Variants in TENM3 observed in about 807,000 individuals in gnomAD.
The protein encoded by TENM3 is teneurin-3.
In TENM3, 63 loss-of-function variants were observed where a neutral mutation model predicts 255.1. That is an observed-to-expected ratio of 0.25 (90% CI 0.20 to 0.30). The LOEUF (loss-of-function observed/expected upper bound fraction) is 0.30. Among genes scored for constraint, TENM3 ranks in the 10% least tolerant of loss-of-function variants. TENM3 has a pLI of 1.00. For synonymous variants in TENM3, 1,306 were observed against 1,322.3 expected (o/e 0.99, Z 0.27); for missense variants, 2,929 against 3,461.1 (o/e 0.85, Z 3.86).
At chr4:181,612,609 G>A in the TENM3 span, among the ~76,000 whole-genome samples, 1 of 151,980 alleles carries the variant, frequency 6.6e-6, no homozygotes, top group Non-Finnish European at 1.5e-5. Flanking sequence ...ACCTCATTGT[G>A]TTTTATCAAA....
chr4:182,486,473 AAC>A (rs1392754513), intron 3 of TENM3, among the ~76,000 whole-genome samples: 1 of 152,182 alleles, frequency 6.6e-6, no homozygotes, highest in Non-Finnish European at 1.5e-5. Context: ...TGATTTTATT[AAC>A]AGTTTATAGC....
chr4:181,596,566 T>C, the TENM3 span, among the ~76,000 whole-genome samples: 3 of 152,254 alleles, frequency 2.0e-5, no homozygotes, highest in Admixed American at 6.5e-5. Flanking sequence ...TTTTTGACCC[T>C]GATCCCAATT....
At chr4:181,972,071 T>C in the TENM3 span, among the ~76,000 whole-genome samples, 2 of 151,878 alleles carry the variant, frequency 1.3e-5, no homozygotes, top group African/African-American at 4.8e-5. Context: ...ATAAAAGGTA[T>C]GGGAAACTAC....
At chr4:182,662,006 C>G (rs1382275647) in intron 6 of TENM3, among the ~76,000 whole-genome samples, 1 of 152,104 alleles carries the variant, frequency 6.6e-6, no homozygotes, top group Non-Finnish European at 1.5e-5. Context: ...CAAACAGATA[C>G]CAAACCTCCT....
intron 3 of TENM3, among the ~76,000 whole-genome samples, chr4:182,438,359 G>A (rs367913730): frequency 7.9e-5 from 12 of 152,172 alleles, no homozygotes; most frequent in African/African-American, 2.7e-4. Flanking sequence ...GCTTGTCTGA[G>A]TTTCAGCCAT....
chr4:182,082,029 A>G, the TENM3 span, among the ~76,000 whole-genome samples: 1 of 152,208 alleles, frequency 6.6e-6, no homozygotes, highest in East Asian at 1.9e-4. Flanking sequence ...TTACTTGCTT[A>G]GGGTTATTTA....
the TENM3 span, among the ~76,000 whole-genome samples, chr4:181,488,790 G>C: frequency 6.6e-6 from 1 of 152,130 alleles, no homozygotes; most frequent in Non-Finnish European, 1.5e-5. Flanking sequence ...TATCTGGCAG[G>C]TTGAATGCAC....
chr4:182,106,807 C>A, the TENM3 span, among the ~76,000 whole-genome samples: 2 of 152,110 alleles, frequency 1.3e-5, no homozygotes, highest in African/African-American at 4.8e-5. Context: ...TCAGTATCAG[C>A]TGTGGGAAAC....
chr4:182,679,922 C>A (rs769550817), intron 8 of TENM3, 46 bp downstream of exon 8: 6 of 1,493,950 alleles, frequency 4.0e-6, no homozygotes, highest in Non-Finnish European at 4.6e-6. Context: ...ATAGCCTAAA[C>A]GCCGTGTTTA....
At chr4:181,824,314 T>C in the TENM3 span, among the ~76,000 whole-genome samples, 1 of 151,732 alleles carries the variant, frequency 6.6e-6, no homozygotes, top group African/African-American at 2.4e-5. Context: ...TCACCCAGGC[T>C]GGCCTCCAAC....
At chr4:181,735,444 G>T in the TENM3 span, among the ~76,000 whole-genome samples, 1 of 152,062 alleles carries the variant, frequency 6.6e-6, no homozygotes, top group South Asian at 2.1e-4. Flanking sequence ...AGTCAGAATT[G>T]GGAAAAGTTT....
chr4:181,723,966 T>G, the TENM3 span, among the ~76,000 whole-genome samples: 1 of 152,180 alleles, frequency 6.6e-6, no homozygotes, highest in Non-Finnish European at 1.5e-5. Flanking sequence ...CCTGGAGGTA[T>G]TTGTTTACAT....
chr4:181,554,286 A>T, the TENM3 span, among the ~76,000 whole-genome samples: 1 of 152,188 alleles, frequency 6.6e-6, no homozygotes, highest in Admixed American at 6.5e-5. Context: ...GTCTGCCTGA[A>T]TGTCAGTCTC....
intron 13 of TENM3, among the ~76,000 whole-genome samples, chr4:182,720,998 C>T (rs1759681735): frequency 6.6e-6 from 1 of 152,008 alleles, no homozygotes; most frequent in South Asian, 2.1e-4. Context: ...GAACTCCTGA[C>T]CTCAGGTGAT....
At chr4:181,870,422 C>G in the TENM3 span, among the ~76,000 whole-genome samples, 1 of 152,118 alleles carries the variant, frequency 6.6e-6, no homozygotes, top group African/African-American at 2.4e-5. Context: ...TACACTCTCA[C>G]TAGAAATGGA....
At chr4:182,618,945 G>A (rs1236086442) in intron 4 of TENM3, among the ~76,000 whole-genome samples, 1 of 146,516 alleles carries the variant, frequency 6.8e-6, no homozygotes, top group East Asian at 2.0e-4. Flanking sequence ...CTACTCGGGG[G>A]TGGGGGTTGG....
chr4:182,366,628 G>T (rs1347777470), intron 3 of TENM3, among the ~76,000 whole-genome samples: 2 of 152,048 alleles, frequency 1.3e-5, no homozygotes, highest in East Asian at 3.8e-4. Flanking sequence ...TCAAATCTTT[G>T]CAAAGAAGTG....
intron 22 of TENM3, among the ~76,000 whole-genome samples, chr4:182,764,056 C>G (rs924692929): frequency 1.3e-5 from 2 of 152,224 alleles, no homozygotes; most frequent in Admixed American, 6.5e-5. Flanking sequence ...CTGGTCCAGG[C>G]AACACCAGCC....
intron 1 of TENM3, among the ~76,000 whole-genome samples, chr4:182,249,607 G>A (rs1757862399): frequency 6.6e-6 from 1 of 152,134 alleles, no homozygotes; most frequent in African/African-American, 2.4e-5. Flanking sequence ...ACAACGAATG[G>A]GGTGGGAAAT....
Sources: gnomAD v4.1 joint callset for allele counts (sites outside exome capture counted in the v4.1 genomes callset) on GRCh38, gnomAD v4.1.1 for gene constraint, MANE v1.5 for transcripts, NCBI Gene and HGNC (gene_info 2026-07-23, HGNC 2026-07-21) for gene names.